Variants in MYO5B observed in about 807,000 individuals in gnomAD.
MYO5B encodes myosin VB.
Under a neutral mutation model 229.3 loss-of-function variants are expected in MYO5B, and 143 were observed. The ratio of observed to expected loss-of-function variants is 0.62; its 90% CI spans 0.54 to 0.72. The LOEUF is 0.72. MYO5B is among the 30% of genes least tolerant of loss of function. The probability of loss-of-function intolerance (pLI) is 0.00; values close to 1 mark genes in which losing one functional copy is unlikely to be tolerated. For missense variants in MYO5B, 2,321 were observed against 2,331.0 expected (o/e 1.00, Z 0.09); for synonymous variants, 918 against 885.2 (o/e 1.04, Z -0.66).
chr18:49,955,977 C>G (rs2025488285), intron 12 of MYO5B, among the ~76,000 whole-genome samples: 2 of 152,210 alleles, frequency 1.3e-5, no homozygotes, highest in African/African-American at 2.4e-5. Context: ...TGGCTAGGAA[C>G]AAAATCTTCT....
chr18:50,119,791 AG>A (rs1808226044), intron 1 of MYO5B, among the ~76,000 whole-genome samples: 1 of 152,232 alleles, frequency 6.6e-6, no homozygotes, highest in Non-Finnish European at 1.5e-5. Context: ...AGAGCTTCAA[AG>A]AAAATTTTTA....
chr18:50,123,765 A>G (rs1599038032), intron 1 of MYO5B, among the ~76,000 whole-genome samples: 1 of 152,198 alleles, frequency 6.6e-6, no homozygotes, highest in East Asian at 1.9e-4. Flanking sequence ...AAAGAAAGAT[A>G]TAGAGGTGTC....
At chr18:50,039,022 A>C (rs1003665304) in intron 3 of MYO5B, among the ~76,000 whole-genome samples, 25 of 152,284 alleles carry the variant, frequency 1.6e-4, no homozygotes, top group African/African-American at 6.0e-4. Context: ...TTAGCAGCTA[A>C]AACTATCAAT....
chr18:50,183,335 A>ATATC (rs1220461096), intron 1 of MYO5B, among the ~76,000 whole-genome samples: 1 of 138,652 alleles, frequency 7.2e-6, no homozygotes, highest in East Asian at 2.0e-4. Flanking sequence ...ATATATATAT[A>ATATC]TATCTCCTTC....
chr18:50,110,471 G>A (rs2144516231), intron 1 of MYO5B, among the ~76,000 whole-genome samples: 1 of 152,218 alleles, frequency 6.6e-6, no homozygotes, highest in East Asian at 1.9e-4. Flanking sequence ...GGGGTACTTG[G>A]TTGGCAAGAT....
chr18:49,951,320 T>C (rs1252600646), intron 14 of MYO5B, among the ~76,000 whole-genome samples: 1 of 152,044 alleles, frequency 6.6e-6, no homozygotes, highest in Non-Finnish European at 1.5e-5. Context: ...AACCTGGGGG[T>C]GGTCCTGGGG....
chr18:50,114,872 C>A (rs1409396400), intron 1 of MYO5B, among the ~76,000 whole-genome samples: 1 of 152,210 alleles, frequency 6.6e-6, no homozygotes, highest in Non-Finnish European at 1.5e-5. Context: ...TGCCCAAGAC[C>A]TTGTTTATCT....
In MYO5B at chr18:49,856,993, C is replaced by T. The variant is rs189205458; in HGVS notation, c.3945-103G>A. On this transcript the variant is annotated intron_variant, in intron 29 of 39. Transcript: ENST00000285039. Reference sequence around the variant, plus strand: ...GGAGATTCTAGCCAAGGTTTGGAAACGAAAAAAAGGCAAGGCTCAAGAACT... The same window carrying T: ...GGAGATTCTAGCCAAGGTTTGGAAATGAAAAAAAGGCAAGGCTCAAGAACT... 869 of 992,106 alleles carry T rather than the reference C, an allele frequency of 8.8e-4. 8 individuals are homozygous for T. The highest frequency in any genetic ancestry group is 5.7e-3 in the South Asian group (424 of 73,802). 61.5% of individuals were successfully genotyped at this position (992,106 alleles called of 1,614,324 possible).
intron 5 of MYO5B, among the ~76,000 whole-genome samples, chr18:49,996,398 A>G (rs1472999105): frequency 6.6e-6 from 1 of 152,266 alleles, no homozygotes; most frequent in Non-Finnish European, 1.5e-5. Flanking sequence ...ATAATAAAAA[A>G]GAAATACAAC....
At chr18:49,840,481 A>C (rs941811390) in intron 35 of MYO5B, 1 of 152,268 alleles carries the variant, frequency 6.6e-6, no homozygotes, top group African/African-American at 2.4e-5. Context: ...AGAGTCTGTC[A>C]AAATTGGTTC....
rs1288871958 is a variant in MYO5B, at chr18:50,147,821, C to G, written c.27+46946G>C. Among the ~76,000 whole-genome samples the G allele has an allele frequency of 2.0e-5, 3 of 152,014 alleles. No individual in the cohort carries two copies. In the East Asian group the frequency reaches 5.8e-4, roughly 29 times the overall value. On this transcript the variant is annotated intron_variant, in intron 1 of 39. Coordinates refer to ENST00000285039, the MANE Select transcript of MYO5B (RefSeq NM_001080467.3). Reference sequence around the variant, plus strand: ...TAAGGAACCTGCTTTCTAAGGAGCTCAATAAGCAACTACCTTGCCAAATCC... The same window carrying G: ...TAAGGAACCTGCTTTCTAAGGAGCTGAATAAGCAACTACCTTGCCAAATCC...
chr18:49,994,779 GC>G (rs2025969428), intron 5 of MYO5B, among the ~76,000 whole-genome samples: 2 of 152,150 alleles, frequency 1.3e-5, no homozygotes, highest in Non-Finnish European at 2.9e-5. Context: ...AGCCTTTAAG[GC>G]CCCACAGGAT....
intron 1 of MYO5B, among the ~76,000 whole-genome samples, chr18:50,109,970 C>T (rs2031836214): frequency 6.6e-6 from 1 of 152,138 alleles, no homozygotes; most frequent in Non-Finnish European, 1.5e-5. Flanking sequence ...GCCTCAAAGG[C>T]CCTACCCAGT....
At chr18:49,940,848 C>T (rs1474557603) in intron 14 of MYO5B, among the ~76,000 whole-genome samples, 1 of 152,204 alleles carries the variant, frequency 6.6e-6, no homozygotes, top group Non-Finnish European at 1.5e-5. Context: ...GTTACAATGC[C>T]TAATGTTTAA....
At chr18:49,858,641 A>G (rs1446626712) in intron 29 of MYO5B, among the ~76,000 whole-genome samples, 4 of 152,232 alleles carry the variant, frequency 2.6e-5, no homozygotes, top group Non-Finnish European at 4.4e-5. Context: ...TGACTCACAC[A>G]AGGAAGTTAG....
At position 49,949,665 on chromosome 18, in the gene MYO5B, G is replaced by A. The variant is rs190072696; in HGVS notation, c.1752+3595C>T. Among the ~76,000 whole-genome samples, 210 of 149,584 alleles carry A rather than the reference G, an allele frequency of 1.4e-3. 4 individuals are homozygous for A. The South Asian group carries it at 0.024, about 17-fold the overall frequency. On this transcript the variant is annotated intron_variant, in intron 14 of 39. Transcript: ENST00000285039. ...TTCTTATCAAGGATGTCACCCAACAGAAAAAAAAAGTCTCTCATAAAATAA... is the reference window on the plus strand; with the variant it reads ...TTCTTATCAAGGATGTCACCCAACAAAAAAAAAAAGTCTCTCATAAAATAA...
intron 1 of MYO5B, among the ~76,000 whole-genome samples, chr18:50,065,147 T>C (rs1175593467): frequency 1.3e-5 from 2 of 152,236 alleles, no homozygotes; most frequent in African/African-American, 4.8e-5. Flanking sequence ...TCTTTGAAGC[T>C]GTTCAATAAA....
intron 12 of MYO5B, among the ~76,000 whole-genome samples, chr18:49,956,106 A>G (rs1390370820): frequency 2.1e-5 from 3 of 145,480 alleles, no homozygotes; most frequent in Non-Finnish European, 4.6e-5. Context: ...AAGTGTATAC[A>G]TAATTTTCTG....
chr18:49,896,274 TA>T (rs1363947851), intron 21 of MYO5B, among the ~76,000 whole-genome samples: 1 of 152,156 alleles, frequency 6.6e-6, no homozygotes, highest in Non-Finnish European at 1.5e-5. Context: ...TGAGACATGC[TA>T]CCCGCTCCCC....
Sources: allele counts gnomAD v4.1 joint callset (sites outside exome capture counted in the v4.1 genomes callset), GRCh38; gene constraint gnomAD v4.1.1; transcripts MANE v1.5; gene names NCBI Gene and HGNC (gene_info 2026-07-23, HGNC 2026-07-21).